The following ADAMTSL1 variants were observed in gnomAD, a reference collection of about 807,000 sequenced individuals.
ADAMTSL1 encodes ADAMTS-like protein 1.
A neutral mutation model predicts 201.8 loss-of-function variants in ADAMTSL1; 126 were observed. That is an observed-to-expected ratio of 0.62 (90% CI 0.54 to 0.72). The LOEUF (loss-of-function observed/expected upper bound fraction) is 0.72, where lower values mean the gene tolerates loss of function less well. Ranked by LOEUF, ADAMTSL1 falls within the 30% of genes least tolerant of loss-of-function variation. ADAMTSL1 has a pLI of 0.00. For missense variants in ADAMTSL1, 2,679 were observed against 2,277.8 expected (o/e 1.18, Z -3.59); for synonymous variants, 1,121 against 903.4 (o/e 1.24, Z -4.32).
chr9:18,071,763 A>G (rs968963748), intron 1 of ADAMTSL1, among the ~76,000 whole-genome samples: 1 of 152,214 alleles, frequency 6.6e-6, no homozygotes, highest in Non-Finnish European at 1.5e-5. Flanking sequence ...CATACCTCAG[A>G]GTACAGCCGG....
intron 23 of ADAMTSL1, among the ~76,000 whole-genome samples, chr9:18,848,308 G>C (rs1826262881): frequency 6.6e-6 from 1 of 152,218 alleles, no homozygotes; most frequent in Admixed American, 6.5e-5. Flanking sequence ...GGATTGAGGA[G>C]ATTTTACAAG....
chr9:18,237,889 A>G (rs1830911267), intron 2 of ADAMTSL1, among the ~76,000 whole-genome samples: 1 of 152,252 alleles, frequency 6.6e-6, no homozygotes, highest in Admixed American at 6.5e-5. Flanking sequence ...TCTAAAAATC[A>G]TGATTATTCC....
intron 15 of ADAMTSL1, among the ~76,000 whole-genome samples, chr9:18,751,536 C>A (rs1182417775): frequency 6.6e-6 from 1 of 152,188 alleles, no homozygotes; most frequent in Non-Finnish European, 1.5e-5. Context: ...AAGGTGCCCT[C>A]TATGATGGGA....
intron 3 of ADAMTSL1, among the ~76,000 whole-genome samples, chr9:18,569,333 G>A (rs138742532): frequency 6.3e-4 from 96 of 152,246 alleles, no homozygotes; most frequent in African/African-American, 2.1e-3. Context: ...GCTCTGACAC[G>A]GTTAGAATTG....
At position 18,879,015 on chromosome 9, in the gene ADAMTSL1, C is replaced by T. The variant is rs1360397929; in HGVS notation, c.4250-8816C>T. Among the ~76,000 whole-genome samples, 5 of 152,246 alleles carry T rather than the reference C, an allele frequency of 3.3e-5. No individual in the cohort carries two copies. The East Asian group carries it at 9.6e-4, about 29-fold the overall frequency. ...CTGACAATGGAACCAGCTGCACTGCCAGGTTGAAAAGCCTAAATAACCTTC... is the reference window on the plus strand; with the variant it reads ...CTGACAATGGAACCAGCTGCACTGCTAGGTTGAAAAGCCTAAATAACCTTC... On this transcript the variant is annotated intron_variant, in intron 23 of 28. Transcript: ENST00000380548.
chr9:18,121,214 A>G (rs1825481595), intron 1 of ADAMTSL1, among the ~76,000 whole-genome samples: 1 of 152,202 alleles, frequency 6.6e-6, no homozygotes, highest in South Asian at 2.1e-4. Context: ...CCCTCACCTA[A>G]AACAAATACA....
At chr9:17,944,250 C>A (rs1228132951) in intron 1 of ADAMTSL1, among the ~76,000 whole-genome samples, 1 of 152,124 alleles carries the variant, frequency 6.6e-6, no homozygotes, top group African/African-American at 2.4e-5. Flanking sequence ...AGGAATCCAA[C>A]ATACAAGGGA....
intron 4 of ADAMTSL1, among the ~76,000 whole-genome samples, chr9:18,590,015 C>T (rs1823804052): frequency 1.3e-5 from 2 of 151,962 alleles, no homozygotes; most frequent in South Asian, 4.1e-4. Flanking sequence ...AGGAGCTTGG[C>T]CTGTAGTTTT....
At chr9:18,544,291 A>G (rs1820342230) in intron 3 of ADAMTSL1, among the ~76,000 whole-genome samples, 1 of 152,226 alleles carries the variant, frequency 6.6e-6, no homozygotes, top group South Asian at 2.1e-4. Flanking sequence ...ACCACAGCCC[A>G]CAGTATCACA....
At chr9:18,044,828 A>T (rs1175713483) in intron 1 of ADAMTSL1, among the ~76,000 whole-genome samples, 1 of 152,148 alleles carries the variant, frequency 6.6e-6, no homozygotes, top group Non-Finnish European at 1.5e-5. Flanking sequence ...TCAGTTGGCT[A>T]CTGGTGTATA....
chr9:18,023,465 C>T (rs1230959653), intron 1 of ADAMTSL1, among the ~76,000 whole-genome samples: 1 of 152,142 alleles, frequency 6.6e-6, no homozygotes, highest in Non-Finnish European at 1.5e-5. Context: ...ATTTTCTCTG[C>T]ATATGACCAG....
chr9:18,549,328 A>G (rs1380370040), intron 3 of ADAMTSL1, among the ~76,000 whole-genome samples: 1 of 152,018 alleles, frequency 6.6e-6, no homozygotes, highest in East Asian at 1.9e-4. Context: ...TCTTCAAAAT[A>G]TGAATGGAAC....
chr9:18,315,062 G>A (rs539993783), intron 2 of ADAMTSL1, among the ~76,000 whole-genome samples: 5 of 152,048 alleles, frequency 3.3e-5, no homozygotes, highest in African/African-American at 1.2e-4. Context: ...TCCCAAAGCA[G>A]CCTGCTTTTA....
At chr9:18,097,474 T>C (rs1824302270) in intron 1 of ADAMTSL1, among the ~76,000 whole-genome samples, 1 of 152,206 alleles carries the variant, frequency 6.6e-6, no homozygotes, top group Admixed American at 6.5e-5. Context: ...GTATATTTAA[T>C]TTTATAAGAA....
chr9:18,131,747 T>C lies in ADAMTSL1; in HGVS notation c.88-32115T>C, dbSNP rs573045371. Among the ~76,000 whole-genome samples the C allele has an allele frequency of 2.0e-5, 3 of 152,172 alleles. No individual in the cohort carries two copies. The South Asian group carries it at 6.2e-4, about 32-fold the overall frequency. On this transcript the variant is annotated intron_variant, in intron 1 of 29. Coordinates refer to the ADAMTSL1 transcript ENST00000680146. ...ACCCTTGACAAATCTAGGTGATGAC[T>C]CCCGAATAAAACAGTGAAATAGAAG...
chr9:18,426,708 T>G (rs536023756), intron 2 of ADAMTSL1, among the ~76,000 whole-genome samples: 12 of 152,126 alleles, frequency 7.9e-5, no homozygotes, highest in Non-Finnish European at 1.5e-4. Flanking sequence ...CAAGAAGCCA[T>G]GCTGTCTCCT....
At chr9:18,340,057 C>T (rs12004836) in intron 2 of ADAMTSL1, among the ~76,000 whole-genome samples, 180 of 152,270 alleles carry the variant, frequency 1.2e-3, no homozygotes, top group African/African-American at 4.2e-3. Context: ...GATGTTACTC[C>T]TCTTCTTTTC....
intron 23 of ADAMTSL1, among the ~76,000 whole-genome samples, chr9:18,882,881 A>G (rs995621482): frequency 6.6e-6 from 1 of 151,012 alleles, no homozygotes; most frequent in Non-Finnish European, 1.5e-5. Context: ...AATCCTAGCT[A>G]TTTGGGAGGC....
At chr9:18,873,504 T>C (rs1410379382) in intron 23 of ADAMTSL1, among the ~76,000 whole-genome samples, 1 of 152,138 alleles carries the variant, frequency 6.6e-6, no homozygotes, top group East Asian at 1.9e-4. Context: ...TCCAGTTTCA[T>C]TCTCCTACAT....
Sources: allele counts gnomAD v4.1 joint callset (sites outside exome capture counted in the v4.1 genomes callset), GRCh38; gene constraint gnomAD v4.1.1; transcripts MANE v1.5; gene names NCBI Gene and HGNC (gene_info 2026-07-23, HGNC 2026-07-21).